The following PINX1 variants were observed in gnomAD, a reference collection of about 807,000 sequenced individuals.
The protein encoded by PINX1 is PIN2/TERF1-interacting telomerase inhibitor 1.
Under a neutral mutation model 25.4 loss-of-function variants are expected in PINX1, and 34 were observed. The observed-to-expected ratio is 1.34, with a 90% CI of 1.02 to 1.78. PINX1 has a LOEUF of 1.78. PINX1 is among the 40% of genes most tolerant of loss of function. The probability of loss-of-function intolerance (pLI) is 0.00; values close to 1 mark genes in which losing one functional copy is unlikely to be tolerated. For synonymous variants in PINX1, 197 were observed against 147.7 expected (o/e 1.33, Z -2.42); for missense variants, 592 against 404.9 (o/e 1.46, Z -3.97).
Position 10,785,016 on chromosome 8 carries a change from C to A in PINX1, c.472-19100G>T, listed in dbSNP as rs375738315. ...GAACCTTCAGAAACAGAAAAACCTACCAGCACTCTGATCCCTAATAAACAT... is the reference window on the plus strand; with the variant it reads ...GAACCTTCAGAAACAGAAAAACCTAACAGCACTCTGATCCCTAATAAACAT... On this transcript the variant is annotated intron_variant, in intron 6 of 6. Coordinates refer to ENST00000314787, the MANE Select transcript of PINX1 (RefSeq NM_017884.6). Among the ~76,000 whole-genome samples, 63 of 152,284 alleles carry A rather than the reference C, an allele frequency of 4.1e-4. No individual in the cohort carries two copies. In the South Asian group the frequency reaches 4.4e-3, roughly 11 times the overall value.
At chr8:10,795,561 T>C (rs938584395) in intron 6 of PINX1, among the ~76,000 whole-genome samples, 4 of 152,184 alleles carry the variant, frequency 2.6e-5, no homozygotes, top group Non-Finnish European at 5.9e-5. Flanking sequence ...CTACCATGCC[T>C]GGCTAATTTT....
chr8:10,802,625 A>C (rs1348403144), intron 6 of PINX1, among the ~76,000 whole-genome samples: 2 of 152,094 alleles, frequency 1.3e-5, no homozygotes, highest in African/African-American at 4.8e-5. Context: ...TGATTTCCCC[A>C]CTAGCCAGGA....
At chr8:10,834,903 A>AAATT in intron 1 of PINX1, 128 bp from the exon 2 acceptor site, 1 of 632,472 alleles carries the variant, frequency 1.6e-6, no homozygotes, top group African/African-American at 1.8e-5. Context: ...TACAATACAG[A>AAATT]AATTAATTCA....
intron 6 of PINX1, among the ~76,000 whole-genome samples, chr8:10,770,560 C>T (rs528758973): frequency 1.2e-4 from 18 of 152,276 alleles, no homozygotes; most frequent in Non-Finnish European, 2.1e-4. Flanking sequence ...TGAGTATCTG[C>T]GCAAGATCCT....
chr8:10,769,412 T>C (rs1435834401), intron 6 of PINX1, among the ~76,000 whole-genome samples: 2 of 152,210 alleles, frequency 1.3e-5, no homozygotes, highest in Non-Finnish European at 2.9e-5. Flanking sequence ...AAATGGTAAG[T>C]GGGCCTTAAT....
chr8:10,809,993 AAGG>A (rs917316207), intron 6 of PINX1, among the ~76,000 whole-genome samples: 2 of 152,174 alleles, frequency 1.3e-5, no homozygotes, highest in African/African-American at 4.8e-5. Context: ...ATCATGGTGG[AAGG>A]AGAAGGGAGA....
At chr8:10,826,049 C>G in intron 5 of PINX1, 103 bp downstream of exon 5, 1 of 640,304 alleles carries the variant, frequency 1.6e-6, no homozygotes. Flanking sequence ...TCGGAGCTGT[C>G]CATAAAGCAT....
At chr8:10,819,950 A>C (rs6990041) in intron 6 of PINX1, among the ~76,000 whole-genome samples, 10,695 of 152,246 alleles carry the variant, frequency 0.07, 483 homozygotes, top group African/African-American at 0.12. Flanking sequence ...CCTCACACCA[A>C]AACAAAAAGA....
chr8:10,800,295 C>G (rs1211542620), intron 6 of PINX1, among the ~76,000 whole-genome samples: 1 of 152,156 alleles, frequency 6.6e-6, no homozygotes, highest in Non-Finnish European at 1.5e-5. Context: ...CAACCTGTTG[C>G]TAAACGACAC....
intron 6 of PINX1, among the ~76,000 whole-genome samples, chr8:10,791,101 A>G (rs768132536): frequency 6.6e-6 from 1 of 152,150 alleles, no homozygotes; most frequent in South Asian, 2.1e-4. Flanking sequence ...TTTAGTAGAG[A>G]TGGGGTTTCA....
chr8:10,788,043 G>A (rs537254924), intron 6 of PINX1, among the ~76,000 whole-genome samples: 2 of 152,180 alleles, frequency 1.3e-5, no homozygotes, highest in Non-Finnish European at 2.9e-5. Flanking sequence ...TACTGTGACT[G>A]TGTGTTATGG....
intron 6 of PINX1, among the ~76,000 whole-genome samples, chr8:10,786,977 C>T (rs951567459): frequency 6.6e-6 from 1 of 152,156 alleles, no homozygotes; most frequent in African/African-American, 2.4e-5. Flanking sequence ...TGAATTATCT[C>T]ATGAGGGAAC....
At chr8:10,834,437 T>C (rs1798330949) in intron 2 of PINX1, 1 of 547,844 alleles carries the variant, frequency 1.8e-6, no homozygotes, top group Non-Finnish European at 3.1e-6. Context: ...GTAGCCTAGT[T>C]GCAATGTCTA....
chr8:10,823,056 A>G (rs1421114638), intron 5 of PINX1, among the ~76,000 whole-genome samples: 2 of 152,224 alleles, frequency 1.3e-5, no homozygotes, highest in Non-Finnish European at 2.9e-5. Context: ...GAAAGTGGAA[A>G]GAGTCAGTGT....
At chr8:10,804,963 G>A (rs553079726) in intron 6 of PINX1, among the ~76,000 whole-genome samples, 12 of 151,504 alleles carry the variant, frequency 7.9e-5, no homozygotes, top group African/African-American at 2.2e-4. Context: ...TTGGTTTGAC[G>A]CTACAAAGGG....
rs113538396 is a variant in PINX1 at position 10,777,742 on chromosome 8, C to A, written c.472-11826G>T. ...ACTAGGAGAGATGTTTTTATAAGGA[C>A]TTCCGTTCTGGTTAGAATGAACCAC... is the stretch of plus-strand genomic sequence containing the variant. On this transcript the variant is annotated intron_variant, in intron 6 of 6. Transcript: ENST00000314787. 4.3e-3 allele frequency among the ~76,000 whole-genome samples: 658 copies of A among 152,306 alleles called. 5 individuals carry two copies. Among genetic ancestry groups the A allele is most frequent in the Middle Eastern group, 0.01 (3 of 294 alleles).
intron 6 of PINX1, among the ~76,000 whole-genome samples, chr8:10,801,873 T>C (rs1159688167): frequency 6.6e-6 from 1 of 152,110 alleles, no homozygotes; most frequent in East Asian, 1.9e-4. Context: ...TGACCACGGG[T>C]ATCGTCCTGG....
chr8:10,820,085 T>G, intron 6 of PINX1, 108 bp downstream of exon 6: 2 of 739,920 alleles, frequency 2.7e-6, no homozygotes, highest in Middle Eastern at 3.2e-4. Context: ...CAAAGTGTTT[T>G]GGAAAGTTTG....
At chr8:10,796,377 GAA>G (rs1802085157) in intron 6 of PINX1, among the ~76,000 whole-genome samples, 1 of 152,088 alleles carries the variant, frequency 6.6e-6, no homozygotes, top group African/African-American at 2.4e-5. Flanking sequence ...ACACCCGCAA[GAA>G]TCCGATGAGT....
Sources: gnomAD v4.1 joint callset for allele counts (sites outside exome capture counted in the v4.1 genomes callset) on GRCh38, gnomAD v4.1.1 for gene constraint, MANE v1.5 for transcripts, NCBI Gene and HGNC (gene_info 2026-07-23, HGNC 2026-07-21) for gene names.